The following MYLK3 variants were observed in gnomAD, a reference collection of about 807,000 sequenced individuals.
MYLK3 encodes MLC kinase.
A neutral mutation model predicts 76.3 loss-of-function variants in MYLK3; 55 were observed. That is an observed-to-expected ratio of 0.72 (90% CI 0.58 to 0.90). The LOEUF (loss-of-function observed/expected upper bound fraction) is 0.90. MYLK3 is among the 40% of genes least tolerant of loss of function. The pLI is 0.00. For missense variants in MYLK3, 973 were observed against 1,053.6 expected (o/e 0.92, Z 1.06); for synonymous variants, 416 against 425.4 (o/e 0.98, Z 0.27).
chr16:46,715,879 G>T (rs1476936642), intron 9 of MYLK3, among the ~76,000 whole-genome samples: 1 of 152,132 alleles, frequency 6.6e-6, no homozygotes, highest in South Asian at 2.1e-4. Context: ...TATTTATTCT[G>T]CAGCATGGAA....
chr16:46,719,393 T>C (rs1966777133), intron 9 of MYLK3, among the ~76,000 whole-genome samples: 1 of 151,876 alleles, frequency 6.6e-6, no homozygotes, highest in African/African-American at 2.4e-5. Flanking sequence ...AACAGAATCC[T>C]GGAGGAATCC....
At position 46,724,202 on chromosome 16, in the gene MYLK3, A is replaced by C. The variant is rs564306607; in HGVS notation, c.1915-3009T>G. ...AGTTTGTTATATGTTGTAGATACAA[A>C]TCCTTTATCTGATATATGATTTGGA... On this transcript the variant is annotated intron_variant, in intron 8 of 12. Transcript: ENST00000394809. 6.6e-5 allele frequency among the ~76,000 whole-genome samples: 10 copies of C among 152,302 alleles called. No individual in the cohort carries two copies. The East Asian group carries it at 1.7e-3, about 26-fold the overall frequency.
Position 46,742,447 on chromosome 16 carries a change from A to AACACAC in MYLK3, c.478-2306_478-2301dup, listed in dbSNP as rs57671045. Reference sequence around the variant, plus strand: ...GACAGGCACCTGTAATCCCAGCAAAAACACACACACACACACACACACACA... The same window carrying AACACAC: ...GACAGGCACCTGTAATCCCAGCAAAAACACACACACACACACACACACACACACACA... On this transcript the variant is annotated intron_variant, in intron 1 of 12. Coordinates refer to ENST00000394809, the MANE Select transcript of MYLK3 (RefSeq NM_182493.3). Among the ~76,000 whole-genome samples the AACACAC allele has an allele frequency of 2.3e-3, 297 of 131,154 alleles. 3 individuals are homozygous for AACACAC. Among genetic ancestry groups the AACACAC allele is most frequent in the Middle Eastern group, 0.016 (4 of 250 alleles). The allele number at this position is 131,154 out of a possible 152,430, so 86.0% of individuals were successfully genotyped here.
upstream of MYLK3, among the ~76,000 whole-genome samples, chr16:46,753,215 A>AC (rs1967150656): frequency 6.6e-6 from 1 of 152,150 alleles, no homozygotes; most frequent in Admixed American, 6.5e-5. Flanking sequence ...GGACCCCGAT[A>AC]CCCCCGGTAG....
intron 9 of MYLK3, among the ~76,000 whole-genome samples, chr16:46,720,660 G>A (rs912515774): frequency 1.3e-5 from 2 of 152,122 alleles, no homozygotes; most frequent in Non-Finnish European, 2.9e-5. Context: ...CCAGTCCTGA[G>A]TGGTTACAGA....
chr16:46,750,809 G>C (rs1967113869), upstream of MYLK3, among the ~76,000 whole-genome samples: 1 of 149,004 alleles, frequency 6.7e-6, no homozygotes, highest in Admixed American at 6.7e-5. Flanking sequence ...GGCTAACATG[G>C]TGAAATCCCA....
rs1444659533 is a variant in MYLK3 at position 46,704,062 on chromosome 16, A to G, written c.*3642T>C. 1 of 152,474 alleles carries G rather than the reference A, an allele frequency of 6.6e-6. No homozygotes were observed. The highest frequency in any genetic ancestry group is 1.9e-4 in the East Asian group (1 of 5,204). 9.4% of individuals were successfully genotyped at this position (152,474 alleles called of 1,614,324 possible). A position where few individuals can be genotyped will look rare whatever the true frequency, so the allele number is the denominator to read the frequency against. ...ATACAGATTAAGTACGTCTGATGAA[A>G]ACCTAGCATCTGAATTGACAGGTTT... On this transcript the variant is annotated 3_prime_UTR_variant, in exon 13 of 13. Transcript: ENST00000394809.
chr16:46,755,074 T>G (rs1967180113), intron 1 of MYLK3, among the ~76,000 whole-genome samples: 1 of 151,254 alleles, frequency 6.6e-6, no homozygotes. Flanking sequence ...TTTTGTGGGG[T>G]TTTTTTTAGA....
Position 46,707,558 on chromosome 16 carries a change from A to C in MYLK3, c.*146T>G. The C allele has an allele frequency of 1.7e-6, 1 of 580,428 alleles. No individual in the cohort carries two copies. 36.0% of individuals were successfully genotyped at this position (580,428 alleles called of 1,614,324 possible). ...TCTTTACAGCCACTTTTCATCCACA[A>C]GGAAGGCAGCAGCCATAACCATTTT... On this transcript the variant is annotated 3_prime_UTR_variant, in exon 13 of 13. Coordinates refer to ENST00000394809, the MANE Select transcript of MYLK3 (RefSeq NM_182493.3).
chr16:46,731,723 T>A (rs1966852907), intron 4 of MYLK3, among the ~76,000 whole-genome samples: 1 of 152,182 alleles, frequency 6.6e-6, no homozygotes, highest in Admixed American at 6.5e-5. Context: ...CTTCGCTTTT[T>A]AACAGAGCCT....
chr16:46,738,560 C>CA (rs1025904694), intron 2 of MYLK3, among the ~76,000 whole-genome samples: 7 of 152,068 alleles, frequency 4.6e-5, no homozygotes, highest in Admixed American at 2.0e-4. Context: ...GACCCCATCT[C>CA]AAAAAAACAA....
In MYLK3 at chr16:46,727,278, C is replaced by T; in HGVS notation, c.1872G>A (p.Val624=). 6.2e-7 allele frequency: 1 copy of T among 1,614,126 alleles called. No individual in the cohort carries two copies. Among genetic ancestry groups the T allele is most frequent in the Non-Finnish European group, 8.5e-7 (1 of 1,179,960 alleles). The change falls in exon 8 of 13, where the codon GTG becomes GTA. Residue 624 remains valine, a synonymous_variant. Coordinates refer to ENST00000394809, the MANE Select transcript of MYLK3 (RefSeq NM_182493.3). ...VLFTRQICEG[V]HYLHQHYILH... The stretch of plus-strand genomic sequence containing the variant: ...GGATGTAGTGCTGGTGCAGGTAATG[C>T]ACACCCTCACAGATCTGCCTGGTGA...
At chr16:46,735,526 A>C (rs1966864391) in intron 3 of MYLK3, among the ~76,000 whole-genome samples, 1 of 152,236 alleles carries the variant, frequency 6.6e-6, no homozygotes, top group East Asian at 1.9e-4. Context: ...CCAATTTTTT[A>C]AAAGAAAACA....
chr16:46,735,007 G>A (rs1428484049), intron 3 of MYLK3, among the ~76,000 whole-genome samples: 1 of 151,960 alleles, frequency 6.6e-6, no homozygotes, highest in African/African-American at 2.4e-5. Context: ...CAGGCATGGT[G>A]GCACATGCTT....
intron 1 of MYLK3, among the ~76,000 whole-genome samples, chr16:46,745,547 C>G (rs1967006793): frequency 1.3e-5 from 2 of 152,160 alleles, no homozygotes; most frequent in Admixed American, 1.3e-4. Flanking sequence ...AGCTCAAGAC[C>G]AGCCTGGCCA....
intron 1 of MYLK3, among the ~76,000 whole-genome samples, chr16:46,761,499 C>A (rs1337174402): frequency 6.6e-6 from 1 of 151,944 alleles, no homozygotes; most frequent in East Asian, 1.9e-4. Flanking sequence ...GGTGGTGTCA[C>A]AAGAGTGTAT....
intron 10 of MYLK3, 145 bp downstream of exon 10, chr16:46,712,503 T>A: frequency 1.6e-6 from 1 of 606,882 alleles, no homozygotes; most frequent in Non-Finnish European, 2.5e-6. Context: ...TCCTTCCCCA[T>A]CTCACTACCC....
chr16:46,729,717 A>C, intron 5 of MYLK3, 30 bp from the exon 6 acceptor site: 1 of 1,598,842 alleles, frequency 6.3e-7, no homozygotes, highest in South Asian at 1.1e-5. Flanking sequence ...CGGCAGGCTG[A>C]GAGCCCAGAG....
chr16:46,740,961 T>C (rs1020030501), intron 1 of MYLK3, among the ~76,000 whole-genome samples: 1 of 152,178 alleles, frequency 6.6e-6, no homozygotes, highest in Non-Finnish European at 1.5e-5. Context: ...GGGGAAACAG[T>C]GCCAAGGTCA....
Sources: allele counts gnomAD v4.1 joint callset (sites outside exome capture counted in the v4.1 genomes callset), GRCh38; gene constraint gnomAD v4.1.1; transcripts MANE v1.5; gene names NCBI Gene and HGNC (gene_info 2026-07-23, HGNC 2026-07-21).